Variants in TPRG1 observed in about 807,000 individuals in gnomAD.
TPRG1 encodes the protein tumor protein p63-regulated gene 1 protein.
TPRG1 carries 29 observed loss-of-function variants against 29.3 expected under a neutral mutation model. That is an observed-to-expected ratio of 0.99 (90% CI 0.74 to 1.35). The LOEUF is 1.35. Ranked by LOEUF, TPRG1 falls within the 40% of genes most tolerant of loss-of-function variation. The pLI is 0.00. For synonymous variants in TPRG1, 130 were observed against 116.8 expected (o/e 1.11, Z -0.73); for missense variants, 327 against 335.0 (o/e 0.98, Z 0.19).
intron 5 of TPRG1, among the ~76,000 whole-genome samples, chr3:189,319,885 C>T (rs973357838): frequency 6.6e-6 from 1 of 152,010 alleles, no homozygotes; most frequent in Admixed American, 6.6e-5. Flanking sequence ...AAATTCATGC[C>T]TCCCTTACAG....
chr3:189,246,067 C>T (rs1240125802), intron 4 of TPRG1, among the ~76,000 whole-genome samples: 3 of 152,140 alleles, frequency 2.0e-5, no homozygotes, highest in Non-Finnish European at 4.4e-5. Flanking sequence ...CTCTCATAAT[C>T]CCCATGTGTC....
intron 4 of TPRG1, among the ~76,000 whole-genome samples, chr3:189,084,000 A>G (rs1717772347): frequency 1.3e-5 from 2 of 152,160 alleles, no homozygotes; most frequent in South Asian, 4.1e-4. Context: ...TAATGTGGTG[A>G]AACGGCTGGG....
chr3:189,240,190 T>G (rs950544565), intron 4 of TPRG1: 2 of 152,182 alleles, frequency 1.3e-5, no homozygotes, highest in Non-Finnish European at 2.9e-5. Flanking sequence ...AAAAAGTGAT[T>G]AATTTATTAA....
intron 4 of TPRG1, among the ~76,000 whole-genome samples, chr3:189,288,689 A>G (rs1162785279): frequency 6.6e-6 from 1 of 152,258 alleles, no homozygotes; most frequent in Non-Finnish European, 1.5e-5. Context: ...CTGGGCAAAC[A>G]GTATCATTCT....
At chr3:189,077,928 A>G (rs1458252725) in intron 4 of TPRG1, among the ~76,000 whole-genome samples, 1 of 152,116 alleles carries the variant, frequency 6.6e-6, no homozygotes, top group African/African-American at 2.4e-5. Flanking sequence ...CTTCCAAACA[A>G]AGATGATCAT....
Position 189,238,725 on chromosome 3 carries a change from T to G in TPRG1, c.303-8T>G, listed in dbSNP as rs760161823. 6.3e-7 allele frequency: 1 copy of G among 1,587,612 alleles called. No individual in the cohort carries two copies. Among genetic ancestry groups the G allele is most frequent in the African/African-American group, 1.3e-5 (1 of 74,132 alleles). On this transcript the variant is annotated splice_polypyrimidine_tract_variant and splice_region_variant and intron_variant, in intron 3 of 5. Coordinates refer to ENST00000345063, the MANE Select transcript of TPRG1 (RefSeq NM_198485.4). ...ATCAATTTTTATTTGCTATGATGATTCCTATAGGATAGACCACTGGAACAA... is the reference window on the plus strand; with the variant it reads ...ATCAATTTTTATTTGCTATGATGATGCCTATAGGATAGACCACTGGAACAA...
At chr3:189,040,132 C>A (rs1714539283) in intron 4 of TPRG1, among the ~76,000 whole-genome samples, 1 of 152,164 alleles carries the variant, frequency 6.6e-6, no homozygotes, top group Non-Finnish European at 1.5e-5. Flanking sequence ...CTTGCCTCCA[C>A]TAAACTCCAA....
chr3:189,140,556 T>G (rs1378526772), intron 3 of TPRG1, among the ~76,000 whole-genome samples: 1 of 152,176 alleles, frequency 6.6e-6, no homozygotes, highest in East Asian at 1.9e-4. Flanking sequence ...CCACTATTAT[T>G]CTCCTTCTCT....
intron 1 of TPRG1, among the ~76,000 whole-genome samples, chr3:189,196,669 A>G (rs747933060): frequency 3.3e-5 from 5 of 152,156 alleles, no homozygotes; most frequent in Non-Finnish European, 7.3e-5. Flanking sequence ...TGTGGGAATT[A>G]TGGGAGCTAC....
chr3:189,209,022 GA>G (rs558176977), intron 2 of TPRG1, among the ~76,000 whole-genome samples: 230 of 152,300 alleles, frequency 1.5e-3, no homozygotes, highest in African/African-American at 5.3e-3. Context: ...GGACAAACTG[GA>G]ATGTCTGGTG....
chr3:189,284,673 A>C (rs1216669357), intron 4 of TPRG1, among the ~76,000 whole-genome samples: 1 of 152,156 alleles, frequency 6.6e-6, no homozygotes, highest in Non-Finnish European at 1.5e-5. Flanking sequence ...ATATGTGTGC[A>C]TGTGTCTTTA....
chr3:189,035,950 A>G (rs534525094), intron 4 of TPRG1, among the ~76,000 whole-genome samples: 2 of 152,316 alleles, frequency 1.3e-5, no homozygotes, highest in South Asian at 4.1e-4. Context: ...AAATTGTTCT[A>G]CCAAAAAGAC....
chr3:189,163,223 A>G (rs1727716624), intron 5 of TPRG1, among the ~76,000 whole-genome samples: 2 of 152,204 alleles, frequency 1.3e-5, no homozygotes, highest in South Asian at 4.1e-4. Context: ...CAGCGAGCCA[A>G]GATGGCACCA....
At chr3:189,280,282 T>C (rs1428737221) in intron 4 of TPRG1, among the ~76,000 whole-genome samples, 1 of 152,108 alleles carries the variant, frequency 6.6e-6, no homozygotes, top group African/African-American at 2.4e-5. Context: ...TATATATAAA[T>C]GAATGGATAT....
intron 1 of TPRG1, among the ~76,000 whole-genome samples, chr3:189,198,093 A>G (rs546967706): frequency 2.0e-4 from 30 of 152,300 alleles, no homozygotes; most frequent in African/African-American, 7.2e-4. Context: ...AGTTTTCACC[A>G]ACTGTAACCA....
rs1233444394 is a variant in TPRG1 at position 189,056,027 on chromosome 3, CCCTCCCTTCCTTCCTT to C, written c.-463+32085_-463+32100del. ...CTCTCTCTCCCTCCCTCCCTTCCCTCCCTCCCTTCCTTCCTTCCTTCCTTCCTTCCTTCCTTCCTTC... is the reference window on the plus strand; with the variant it reads ...CTCTCTCTCCCTCCCTCCCTTCCCTCCCTTCCTTCCTTCCTTCCTTCCTTC... On this transcript the variant is annotated intron_variant, in intron 4 of 10. Transcript: ENST00000433971. Among the ~76,000 whole-genome samples, 489 of 106,176 alleles carry C rather than the reference CCCTCCCTTCCTTCCTT, an allele frequency of 4.6e-3. 19 individuals are homozygous for C. The highest frequency in any genetic ancestry group is 0.018 in the African/African-American group (469 of 26,474). 69.7% of individuals were successfully genotyped at this position (106,176 alleles called of 152,430 possible).
intron 5 of TPRG1, among the ~76,000 whole-genome samples, chr3:189,166,926 T>A (rs1728232807): frequency 6.6e-6 from 1 of 152,170 alleles, no homozygotes; most frequent in African/African-American, 2.4e-5. Flanking sequence ...CTCTTATTTG[T>A]GTGACAGAGG....
intron 4 of TPRG1, among the ~76,000 whole-genome samples, chr3:189,041,293 G>T (rs113123744): frequency 2.5e-4 from 38 of 152,102 alleles, no homozygotes; most frequent in African/African-American, 8.2e-4. Context: ...CTCACCTCTA[G>T]GTCCCAAATG....
At chr3:189,253,931 C>A (rs1468437783) in intron 4 of TPRG1, among the ~76,000 whole-genome samples, 1 of 152,166 alleles carries the variant, frequency 6.6e-6, no homozygotes, top group African/African-American at 2.4e-5. Context: ...ATCCTTCACC[C>A]ACTTTTTGAT....
Sources: gnomAD v4.1 joint callset for allele counts (sites outside exome capture counted in the v4.1 genomes callset) on GRCh38, gnomAD v4.1.1 for gene constraint, MANE v1.5 for transcripts, NCBI Gene and HGNC (gene_info 2026-07-23, HGNC 2026-07-21) for gene names.